The following EPB41L2 variants were observed in gnomAD, a reference collection of about 807,000 sequenced individuals.
EPB41L2 encodes erythrocyte membrane protein band 4.1 like 2.
In EPB41L2, 43 loss-of-function variants were observed where a neutral mutation model predicts 113.0. That is an observed-to-expected ratio of 0.38 (90% CI 0.30 to 0.49). The LOEUF is 0.49. EPB41L2 is among the 20% of genes least tolerant of loss of function. The pLI, the probability that EPB41L2 is intolerant of heterozygous loss-of-function variation, is 0.95. For synonymous variants in EPB41L2, 442 were observed against 436.7 expected (o/e 1.01, Z -0.15); for missense variants, 1,147 against 1,223.4 (o/e 0.94, Z 0.93).
chr6:131,017,722 T>C lies in EPB41L2; in HGVS notation c.-15+45433A>G, dbSNP rs528101755. Among the ~76,000 whole-genome samples, 7 of 152,330 alleles carry C rather than the reference T, an allele frequency of 4.6e-5. No homozygotes were observed. The East Asian group carries it at 9.6e-4, about 21-fold the overall frequency. On this transcript the variant is annotated intron_variant, in intron 1 of 19. Transcript: ENST00000337057. ...TACCTAGTGCAATTGCTAGCTAGTATGGTATGGTCAGTTTTACACTGCCAA... is the reference window on the plus strand; with the variant it reads ...TACCTAGTGCAATTGCTAGCTAGTACGGTATGGTCAGTTTTACACTGCCAA...
chr6:130,964,211 G>A (rs962231069), intron 1 of EPB41L2, among the ~76,000 whole-genome samples: 1 of 151,916 alleles, frequency 6.6e-6, no homozygotes, highest in African/African-American at 2.4e-5. Context: ...TAGTAGAGAT[G>A]GGGTTTCACC....
chr6:131,040,392 T>C (rs1226407827), intron 1 of EPB41L2, among the ~76,000 whole-genome samples: 4 of 152,174 alleles, frequency 2.6e-5, no homozygotes, highest in Non-Finnish European at 5.9e-5. Flanking sequence ...TGAGCCGGGA[T>C]TGCGCCACTG....
chr6:131,012,210 G>T (rs187662233), intron 1 of EPB41L2, among the ~76,000 whole-genome samples: 474 of 151,434 alleles, frequency 3.1e-3, no homozygotes, highest in Non-Finnish European at 5.6e-3. Context: ...AGATGGGGGC[G>T]GGGGGAGCTT....
At chr6:130,980,041 G>T (rs745418410) in intron 1 of EPB41L2, among the ~76,000 whole-genome samples, 2 of 152,148 alleles carry the variant, frequency 1.3e-5, no homozygotes, top group African/African-American at 4.8e-5. Context: ...AACTACTGAC[G>T]AGAAAGAAGA....
At chr6:130,973,228 C>A (rs1777359055) in intron 1 of EPB41L2, among the ~76,000 whole-genome samples, 1 of 151,734 alleles carries the variant, frequency 6.6e-6, no homozygotes, top group South Asian at 2.1e-4. Flanking sequence ...TCCATGGCAC[C>A]TCTGAAGAGA....
intron 18 of EPB41L2, among the ~76,000 whole-genome samples, chr6:130,860,344 C>G (rs1781626425): frequency 6.6e-6 from 1 of 152,212 alleles, no homozygotes; most frequent in African/African-American, 2.4e-5. Context: ...CACTCTAATT[C>G]ACAGAAAGAT....
rs376790186 is a variant in EPB41L2, at chr6:131,059,037, A to G, written c.-15+4118T>C. ...TCTCAAAAACAAAATAAAAACAACA[A>G]CAGCAACAAAAACTATAAATCATTT... On this transcript the variant is annotated intron_variant, in intron 1 of 19. Transcript: ENST00000337057. 4.6e-5 allele frequency among the ~76,000 whole-genome samples: 7 copies of G among 151,946 alleles called. No individual in the cohort carries two copies. In the East Asian group the frequency reaches 1.4e-3, roughly 29 times the overall value.
At chr6:130,913,116 C>T (rs1394954570) in intron 4 of EPB41L2, among the ~76,000 whole-genome samples, 1 of 152,176 alleles carries the variant, frequency 6.6e-6, no homozygotes, top group East Asian at 1.9e-4. Flanking sequence ...TCTATTCTCA[C>T]CTAAAGCACC....
chr6:130,909,245 T>A (rs1292889308), intron 4 of EPB41L2, among the ~76,000 whole-genome samples: 1 of 152,296 alleles, frequency 6.6e-6, no homozygotes, highest in Admixed American at 6.5e-5. Flanking sequence ...TTCCTAGTCA[T>A]GAAGGATAAA....
intron 1 of EPB41L2, among the ~76,000 whole-genome samples, chr6:130,959,372 C>T (rs1251240719): frequency 6.6e-6 from 1 of 152,084 alleles, no homozygotes; most frequent in Non-Finnish European, 1.5e-5. Context: ...GGGGATACAT[C>T]ACCTAGAGAA....
intron 12 of EPB41L2, among the ~76,000 whole-genome samples, chr6:130,884,666 CATTA>C (rs1481556110): frequency 2.0e-5 from 3 of 152,214 alleles, no homozygotes; most frequent in African/African-American, 7.2e-5. Flanking sequence ...TTGAGAATTT[CATTA>C]ATTATAGATC....
At chr6:130,853,394 C>T (rs1779315051) in intron 19 of EPB41L2, among the ~76,000 whole-genome samples, 1 of 152,226 alleles carries the variant, frequency 6.6e-6, no homozygotes, top group East Asian at 1.9e-4. Flanking sequence ...CTTCTTCCTC[C>T]TGATCGGGAC....
rs1562309711 is a variant in EPB41L2 at position 130,858,226 on chromosome 6, G to C, written c.2928C>G (p.Ile976Met). 1 of 1,612,842 alleles carries C rather than the reference G, an allele frequency of 6.2e-7. No homozygotes were observed. The highest frequency in any genetic ancestry group is 8.5e-7 in the Non-Finnish European group (1 of 1,179,382). ...IDHDQALAQA[I>M]REAREQHPDM... ...CAGGGTGCTGCTCTCTGGCTTCCCT[G>C]ATCGCCTGAGCCAGTGCCTGCCAGG... The change falls in exon 19 of 20, where the codon ATC becomes ATG. Residue 976 changes from isoleucine (I) to methionine (M), a missense_variant. Ile to Met is a conservative substitution (Grantham distance 10, BLOSUM62 1). Coordinates refer to ENST00000337057, the MANE Select transcript of EPB41L2 (RefSeq NM_001431.4).
chr6:130,855,749 C>A (rs940427332), intron 19 of EPB41L2, among the ~76,000 whole-genome samples: 1 of 152,032 alleles, frequency 6.6e-6, no homozygotes, highest in Non-Finnish European at 1.5e-5. Context: ...CCATATTGAA[C>A]TACAGAGTAG....
At chr6:130,974,420 A>G (rs1371066820) in intron 1 of EPB41L2, among the ~76,000 whole-genome samples, 2 of 152,142 alleles carry the variant, frequency 1.3e-5, no homozygotes, top group Non-Finnish European at 2.9e-5. Context: ...ATGGAACCCA[A>G]TGCTACTGCT....
intron 11 of EPB41L2, among the ~76,000 whole-genome samples, chr6:130,887,708 CCTT>C (rs1263060783): frequency 6.6e-6 from 1 of 152,242 alleles, no homozygotes; most frequent in African/African-American, 2.4e-5. Context: ...TTGGCTGCCT[CCTT>C]CTCATCCTTC....
intron 8 of EPB41L2, 59 bp from the exon 9 acceptor site, chr6:130,895,178 A>C: frequency 2.6e-6 from 4 of 1,523,210 alleles, no homozygotes; most frequent in Non-Finnish European, 3.5e-6. Context: ...ACAAATCAAG[A>C]AGCTAATTAG....
chr6:131,014,214 A>G (rs560780683), intron 1 of EPB41L2: 1 of 152,352 alleles, frequency 6.6e-6, no homozygotes, highest in Admixed American at 6.5e-5. Flanking sequence ...TTATTCAAGT[A>G]TACAAAATCA....
chr6:130,922,605 A>G (rs1295897932), intron 4 of EPB41L2, among the ~76,000 whole-genome samples: 1 of 152,198 alleles, frequency 6.6e-6, no homozygotes, highest in African/African-American at 2.4e-5. Flanking sequence ...AAATTTCTGC[A>G]TCTATAAGTG....
Sources: gnomAD v4.1 joint callset for allele counts (sites outside exome capture counted in the v4.1 genomes callset) on GRCh38, gnomAD v4.1.1 for gene constraint, MANE v1.5 for transcripts, NCBI Gene and HGNC (gene_info 2026-07-23, HGNC 2026-07-21) for gene names.